ESR2: variants seen among roughly 807,000 people sequenced by gnomAD.
ESR2 encodes estrogen receptor 2, also known as estrogen receptor beta.
Under a neutral mutation model 49.6 loss-of-function variants are expected in ESR2, and 36 were observed. That is an observed-to-expected ratio of 0.73 (90% CI 0.56 to 0.96). The LOEUF (loss-of-function observed/expected upper bound fraction) is 0.96, where lower values mean the gene tolerates loss of function less well. ESR2 is among the 40% of genes least tolerant of loss of function. ESR2 has a pLI of 0.00. For synonymous variants in ESR2, 320 were observed against 266.1 expected, an observed-to-expected ratio of 1.20 and a Z score of -1.97; for missense variants, 714 against 693.0, an observed-to-expected ratio of 1.03 and a Z score of -0.34.
At chr14:64,278,988 C>T (rs982300575) in intron 3 of ESR2, among the ~76,000 whole-genome samples, 2 of 152,190 alleles carry the variant, frequency 1.3e-5, no homozygotes, top group Non-Finnish European at 2.9e-5. Flanking sequence ...GAAATATTTA[C>T]AATCTATTCT....
intron 1 of ESR2, among the ~76,000 whole-genome samples, chr14:64,323,234 G>T (rs1014934250): frequency 1.3e-5 from 2 of 152,160 alleles, no homozygotes; most frequent in African/African-American, 4.8e-5. Context: ...TTGAGACAGG[G>T]TCTCACTCTG....
intron 3 of ESR2, among the ~76,000 whole-genome samples, chr14:64,278,422 A>T (rs1217970809): frequency 2.0e-5 from 3 of 152,200 alleles, no homozygotes; most frequent in African/African-American, 7.2e-5. Flanking sequence ...CCTGGATTCT[A>T]TCAGTATTTC....
Position 64,283,058 on chromosome 14 carries a change from C to G in ESR2, c.-73G>C, listed in dbSNP as rs779390544. On this transcript the variant is annotated 5_prime_UTR_variant, in exon 2 of 9. Transcript: ENST00000341099. ...GGTCATTATAATGTTCTCAAAGATTCGTGGGCAAGTATAATGGCTGTAAAG... is the reference window on the plus strand; with the variant it reads ...GGTCATTATAATGTTCTCAAAGATTGGTGGGCAAGTATAATGGCTGTAAAG... The G allele has an allele frequency of 1.4e-6, 2 of 1,476,306 alleles. No homozygotes were observed. The highest frequency in any genetic ancestry group is 1.4e-5 in the African/African-American group (1 of 71,264). 91.5% of individuals were successfully genotyped at this position (1,476,306 alleles called of 1,614,324 possible).
intron 1 of ESR2, among the ~76,000 whole-genome samples, chr14:64,315,189 A>G (rs1395351556): frequency 6.7e-6 from 1 of 148,796 alleles, no homozygotes; most frequent in African/African-American, 2.5e-5. Context: ...GGTTGTGGTA[A>G]GCCAAGATCG....
chr14:64,273,654 T>A (rs2076494999), intron 3 of ESR2, among the ~76,000 whole-genome samples: 1 of 152,232 alleles, frequency 6.6e-6, no homozygotes, highest in Non-Finnish European at 1.5e-5. Context: ...AAATTCCACC[T>A]GGTTATGATG....
At position 64,257,378 on chromosome 14, in the gene ESR2, G is replaced by A; in HGVS notation, c.953-14C>T. The A allele has an allele frequency of 6.2e-7, 1 of 1,612,304 alleles. No homozygotes were observed. Among genetic ancestry groups the A allele is most frequent in the Non-Finnish European group, 8.5e-7 (1 of 1,179,962 alleles). On this transcript the variant is annotated splice_polypyrimidine_tract_variant and intron_variant, in intron 5 of 8. Transcript: ENST00000341099. ...GCTCCACAAAGCCTGGGGAAAGCAAGAGGCGGTGAGACACCCCCACCCCTC... is the reference window on the plus strand; with the variant it reads ...GCTCCACAAAGCCTGGGGAAAGCAAAAGGCGGTGAGACACCCCCACCCCTC...
At chr14:64,317,366 G>A (rs751315051) in intron 1 of ESR2, among the ~76,000 whole-genome samples, 1 of 152,186 alleles carries the variant, frequency 6.6e-6, no homozygotes, top group Non-Finnish European at 1.5e-5. Flanking sequence ...GCATGGTGCG[G>A]GGCATCTGCT....
In ESR2 at chr14:64,233,010, A is replaced by G. The variant is rs1184713918; in HGVS notation, c.*127T>C. On this transcript the variant is annotated 3_prime_UTR_variant, in exon 9 of 9. Transcript: ENST00000341099. ...GGGAAGGTGGAGGGAAGGATGGTAC[A>G]TGACCAAGCCTGCCATCACCAAATG... 6 of 1,456,662 alleles carry G rather than the reference A, an allele frequency of 4.1e-6. No homozygotes were observed. The African/African-American group carries it at 7.1e-5, about 17-fold the overall frequency. The allele number at this position is 1,456,662 out of a possible 1,614,324, so 90.2% of individuals were successfully genotyped here.
At chr14:64,237,622 C>G (rs771494090) in intron 7 of ESR2, among the ~76,000 whole-genome samples, 3 of 152,194 alleles carry the variant, frequency 2.0e-5, no homozygotes, top group Non-Finnish European at 2.9e-5. Flanking sequence ...CAGCATAACT[C>G]AGCCTAAAAG....
intron 4 of ESR2, among the ~76,000 whole-genome samples, chr14:64,267,027 C>A (rs930485192): frequency 2.6e-5 from 4 of 152,156 alleles, no homozygotes; most frequent in African/African-American, 9.7e-5. Context: ...ACTACAGGCA[C>A]ATGCCACCAC....
chr14:64,268,553 T>C (rs550457044), intron 4 of ESR2, among the ~76,000 whole-genome samples: 1 of 152,298 alleles, frequency 6.6e-6, no homozygotes, highest in South Asian at 2.1e-4. Context: ...CCACTTGAAC[T>C]CTAGAAAGCT....
rs397961804 is a variant in ESR2 at position 64,325,980 on chromosome 14, A to ATTT, written c.-91+11915_-91+11917dup. Among the ~76,000 whole-genome samples, 46 of 144,202 alleles carry ATTT rather than the reference A, an allele frequency of 3.2e-4. No homozygotes were observed. In the East Asian group the frequency reaches 8.3e-3, roughly 26 times the overall value. 94.6% of individuals were successfully genotyped at this position (144,202 alleles called of 152,430 possible). On this transcript the variant is annotated intron_variant, in intron 1 of 8. Transcript: ENST00000358599. ...GGGAGGAGTCAACAATTATACACAG[A>ATTT]TTTTTTTTTTTTTTGCATGATGGCC...
At chr14:64,274,824 A>G (rs1350225320) in intron 3 of ESR2, among the ~76,000 whole-genome samples, 1 of 152,172 alleles carries the variant, frequency 6.6e-6, no homozygotes, top group Non-Finnish European at 1.5e-5. Flanking sequence ...TTGTTTCAAG[A>G]AATTTTTAAT....
At chr14:64,236,635 C>T (rs1273397693) in intron 7 of ESR2, among the ~76,000 whole-genome samples, 2 of 152,138 alleles carry the variant, frequency 1.3e-5, no homozygotes, top group Non-Finnish European at 2.9e-5. Context: ...ATGTGTGGTG[C>T]TCCGAACATG....
chr14:64,310,111 A>G (rs2077167524), intron 1 of ESR2, among the ~76,000 whole-genome samples: 1 of 151,440 alleles, frequency 6.6e-6, no homozygotes, highest in Non-Finnish European at 1.5e-5. Flanking sequence ...CGTCTCTACT[A>G]AAAATACAAA....
At chr14:64,256,723 C>T (rs987907714) in intron 6 of ESR2, among the ~76,000 whole-genome samples, 5 of 150,428 alleles carry the variant, frequency 3.3e-5, no homozygotes, top group Non-Finnish European at 5.9e-5. Context: ...AGAGAGACTC[C>T]ATCTCAGAAA....
At chr14:64,302,956 G>A (rs903516258) in intron 1 of ESR2, among the ~76,000 whole-genome samples, 3 of 152,012 alleles carry the variant, frequency 2.0e-5, no homozygotes, top group African/African-American at 2.4e-5. Flanking sequence ...CTGCCACCAC[G>A]CCCAGCTAAT....
intron 6 of ESR2, 140 bp downstream of exon 6, chr14:64,257,086 C>T (rs1322481053): frequency 3.9e-6 from 3 of 763,068 alleles, no homozygotes; most frequent in Non-Finnish European, 6.7e-6. Context: ...GGTTCTTGAC[C>T]CAGTGAAGGA....
chr14:64,265,581 G>T (rs1268213328), intron 4 of ESR2, among the ~76,000 whole-genome samples: 1 of 152,178 alleles, frequency 6.6e-6, no homozygotes, highest in African/African-American at 2.4e-5. Context: ...GGTATATAAA[G>T]ATATGGCACC....
Sources: allele counts gnomAD v4.1 joint callset (sites outside exome capture counted in the v4.1 genomes callset), GRCh38; gene constraint gnomAD v4.1.1; transcripts MANE v1.5; gene names NCBI Gene and HGNC (gene_info 2026-07-23, HGNC 2026-07-21).